Variants in MAST4 observed in about 807,000 individuals in gnomAD.
MAST4 encodes the protein microtubule-associated serine/threonine-protein kinase 4.
In MAST4, 89 loss-of-function variants were observed where a neutral mutation model predicts 162.7. The observed-to-expected ratio is 0.55, with a 90% CI of 0.46 to 0.65. The LOEUF is 0.65. Ranked by LOEUF, MAST4 falls within the 30% of genes least tolerant of loss-of-function variation. The probability of loss-of-function intolerance (pLI) is 0.00; values close to 1 mark genes in which losing one functional copy is unlikely to be tolerated. For synonymous variants in MAST4, 1,479 were observed against 1,361.1 expected (o/e 1.09, Z -1.91); for missense variants, 3,153 against 3,374.0 (o/e 0.93, Z 1.62).
intron 1 of MAST4, among the ~76,000 whole-genome samples, chr5:66,737,107 GT>G (rs1016120831): frequency 2.0e-5 from 3 of 152,152 alleles, no homozygotes; most frequent in African/African-American, 7.2e-5. Flanking sequence ...TTTTATCCCA[GT>G]TTTTTTGAGT....
intron 24 of MAST4, among the ~76,000 whole-genome samples, chr5:67,149,953 T>C (rs547559672): frequency 2.6e-5 from 4 of 152,374 alleles, no homozygotes; most frequent in Admixed American, 6.5e-5. Flanking sequence ...GTATAATTTA[T>C]ACACTTTATA....
chr5:66,931,922 AT>A lies in MAST4; in HGVS notation c.674+31941del, dbSNP rs1742239798. ...ATGGAAGGAGCCCTGAAACCACGTT[AT>A]CTTCAGGGAATTATAGTTAGTATCC... On this transcript the variant is annotated intron_variant, in intron 4 of 28. Coordinates refer to ENST00000403625, the MANE Select transcript of MAST4 (RefSeq NM_001164664.2). Among the ~76,000 whole-genome samples, 3 of 152,294 alleles carry A rather than the reference AT, an allele frequency of 2.0e-5. No homozygotes were observed. In the South Asian group the frequency reaches 6.2e-4, roughly 32 times the overall value.
chr5:66,653,461 C>G lies in MAST4; in HGVS notation c.363+56443C>G, dbSNP rs573998993. ...CCCTCACAGTGCCAGCATGACATTG[C>G]CTACTCAGCCTGTGGAGGTTTCCTT... On this transcript the variant is annotated intron_variant, in intron 1 of 28. Coordinates refer to ENST00000403625, the MANE Select transcript of MAST4 (RefSeq NM_001164664.2). 3.5e-3 allele frequency among the ~76,000 whole-genome samples: 527 copies of G among 152,280 alleles called. 3 individuals carry two copies. Among genetic ancestry groups the G allele is most frequent in the African/African-American group, 0.012 (495 of 41,556 alleles).
chr5:67,162,192 T>G (rs1264280970), intron 27 of MAST4, among the ~76,000 whole-genome samples: 1 of 152,232 alleles, frequency 6.6e-6, no homozygotes, highest in African/African-American at 2.4e-5. Flanking sequence ...TTAAAGAATT[T>G]GATTTCCAAT....
intron 1 of MAST4, among the ~76,000 whole-genome samples, chr5:66,702,213 G>T (rs941091540): frequency 1.3e-5 from 2 of 152,172 alleles, no homozygotes; most frequent in African/African-American, 4.8e-5. Context: ...GCCTTATGCA[G>T]AGCAGAGGAT....
chr5:66,899,312 G>A (rs1762867579), intron 3 of MAST4, among the ~76,000 whole-genome samples: 1 of 152,216 alleles, frequency 6.6e-6, no homozygotes, highest in Middle Eastern at 3.4e-3. Context: ...AAGTGTGAAG[G>A]CACCCTTTTA....
At chr5:67,040,121 A>G (rs994514696) in intron 4 of MAST4, among the ~76,000 whole-genome samples, 3 of 152,178 alleles carry the variant, frequency 2.0e-5, no homozygotes, top group Non-Finnish European at 2.9e-5. Context: ...CCAGTGCTAT[A>G]CAAGGATGCT....
chr5:67,051,549 G>A (rs1758183137), intron 4 of MAST4, among the ~76,000 whole-genome samples: 2 of 152,110 alleles, frequency 1.3e-5, no homozygotes, highest in Non-Finnish European at 2.9e-5. Context: ...TTGGGAATCA[G>A]GTACTTAGAG....
rs965026 is a variant in MAST4 at position 66,853,776 on chromosome 5, T to G, written c.643-46175T>G. ...ACCTAATTCCTGCAAGGATTTTTTG[T>G]GGAAAAGGAAATCAGAATTCTTTTC... On this transcript the variant is annotated intron_variant, in intron 3 of 28. Coordinates refer to ENST00000403625, the MANE Select transcript of MAST4 (RefSeq NM_001164664.2). 1.9e-3 allele frequency among the ~76,000 whole-genome samples: 286 copies of G among 152,334 alleles called. 1 individual carries two copies. The highest frequency in any genetic ancestry group is 6.7e-3 in the African/African-American group (278 of 41,574).
At chr5:67,117,541 TAA>T (rs1581621459) in intron 12 of MAST4, among the ~76,000 whole-genome samples, 1 of 151,594 alleles carries the variant, frequency 6.6e-6, no homozygotes, top group Non-Finnish European at 1.5e-5. Flanking sequence ...TAAATAAAAT[TAA>T]GTTTTTTAAA....
chr5:66,959,007 A>G, intron 4 of MAST4: 1 of 471,176 alleles, frequency 2.1e-6, no homozygotes, highest in South Asian at 5.2e-5. Flanking sequence ...GCAGAGCTGC[A>G]AGCCTCGTTC....
At chr5:66,818,557 C>T (rs1387652240) in intron 3 of MAST4, among the ~76,000 whole-genome samples, 1 of 152,150 alleles carries the variant, frequency 6.6e-6, no homozygotes, top group Non-Finnish European at 1.5e-5. Flanking sequence ...CTTAATGTGA[C>T]TTCTTCCTAT....
At chr5:66,687,032 A>G (rs1748703146) in intron 1 of MAST4, among the ~76,000 whole-genome samples, 1 of 152,146 alleles carries the variant, frequency 6.6e-6, no homozygotes, top group Non-Finnish European at 1.5e-5. Flanking sequence ...GGAAATCCTA[A>G]TTTCAACTAG....
chr5:66,606,520 A>G (rs1742892908), intron 1 of MAST4, among the ~76,000 whole-genome samples: 1 of 152,250 alleles, frequency 6.6e-6, no homozygotes, highest in South Asian at 2.1e-4. Flanking sequence ...TCACTTTAAA[A>G]GCTGAAGTTA....
intron 2 of MAST4, among the ~76,000 whole-genome samples, chr5:66,763,598 C>T (rs1406142969): frequency 6.6e-6 from 1 of 152,028 alleles, no homozygotes; most frequent in African/African-American, 2.4e-5. Context: ...CATTAAAGGT[C>T]ATATTATAAA....
At chr5:66,905,373 T>C (rs1763288052) in intron 4 of MAST4, among the ~76,000 whole-genome samples, 2 of 148,772 alleles carry the variant, frequency 1.3e-5, no homozygotes, top group African/African-American at 5.0e-5. Context: ...CAGCTCCCAG[T>C]ATGTATAGTA....
At chr5:66,881,314 T>C (rs2149906591) in intron 3 of MAST4, among the ~76,000 whole-genome samples, 1 of 152,298 alleles carries the variant, frequency 6.6e-6, no homozygotes, top group Middle Eastern at 3.4e-3. Flanking sequence ...ATGCATAAGA[T>C]AAAGAATACG....
intron 1 of MAST4, among the ~76,000 whole-genome samples, chr5:66,646,240 A>G (rs760189980): frequency 3.0e-5 from 4 of 134,098 alleles, no homozygotes; most frequent in African/African-American, 2.9e-5. Flanking sequence ...TTATTAATGG[A>G]TATATTTAAA....
At chr5:67,045,113 G>A (rs1463493455) in intron 4 of MAST4, among the ~76,000 whole-genome samples, 1 of 152,148 alleles carries the variant, frequency 6.6e-6, no homozygotes, top group Non-Finnish European at 1.5e-5. Context: ...TGAAGGCAGG[G>A]ACCACATTTA....
Sources: gnomAD v4.1 joint callset for allele counts (sites outside exome capture counted in the v4.1 genomes callset) on GRCh38, gnomAD v4.1.1 for gene constraint, MANE v1.5 for transcripts, NCBI Gene and HGNC (gene_info 2026-07-23, HGNC 2026-07-21) for gene names.